The following PAK3 variants were observed in gnomAD, a reference collection of about 807,000 sequenced individuals.
The protein encoded by PAK3 is serine/threonine-protein kinase PAK 3.
A neutral mutation model predicts 41.0 loss-of-function variants in PAK3; 4 were observed. The observed-to-expected ratio is 0.10, with a 90% CI of 0.05 to 0.22. PAK3 has a LOEUF of 0.22. Ranked by LOEUF, PAK3 falls within the 10% of genes least tolerant of loss-of-function variation. The pLI, the probability that PAK3 is intolerant of heterozygous loss-of-function variation, is 1.00. For synonymous variants in PAK3, 146 were observed against 139.6 expected (o/e 1.05, Z -0.32); for missense variants, 205 against 409.9 (o/e 0.50, Z 4.32).
intron 1 of PAK3, among the ~76,000 whole-genome samples, chrX:111,002,037 G>A (rs900280737): frequency 1.8e-5 from 2 of 111,431 alleles, no homozygotes; most frequent in African/African-American, 6.5e-5. Flanking sequence ...TATGTACTAT[G>A]ATGAGGTTTA....
At chrX:110,973,534 A>G (rs2091257602) in intron 1 of PAK3, among the ~76,000 whole-genome samples, 2 of 112,067 alleles carry the variant, frequency 1.8e-5, no homozygotes, top group Non-Finnish European at 3.8e-5. Context: ...TGTCACCACC[A>G]GGCCTGCCTT....
chrX:111,148,142 A>T, intron 7 of PAK3, among the ~76,000 whole-genome samples: 1 of 111,885 alleles, frequency 8.9e-6, no homozygotes, highest in Non-Finnish European at 1.9e-5. Context: ...TGGTAGTCAC[A>T]ATTGTTGTCT....
At chrX:111,162,105 A>G (rs145051886) in intron 8 of PAK3, among the ~76,000 whole-genome samples, 2,191 of 111,379 alleles carry the variant, frequency 0.02, 46 homozygotes, top group African/African-American at 0.067. Context: ...ATTTCTAACA[A>G]GTTCCTTAAT....
At chrX:111,001,720 C>T (rs1028982424) in intron 1 of PAK3, among the ~76,000 whole-genome samples, 5 of 111,997 alleles carry the variant, frequency 4.5e-5, no homozygotes, top group African/African-American at 1.3e-4. Flanking sequence ...AAGCAGCCCC[C>T]TGGCCTGATG....
intron 4 of PAK3, among the ~76,000 whole-genome samples, chrX:111,118,470 A>G (rs1218139501): frequency 9.0e-6 from 1 of 110,707 alleles, no homozygotes; most frequent in East Asian, 2.8e-4. Context: ...ATATATATGT[A>G]TATATATCTC....
intron 1 of PAK3, among the ~76,000 whole-genome samples, chrX:111,071,771 T>C (rs1034307497): frequency 1.8e-5 from 2 of 112,230 alleles, no homozygotes; most frequent in African/African-American, 3.2e-5. Context: ...CAAGTCCACA[T>C]GTTCCAGCCA....
At chrX:111,138,989 A>AACAC (rs368706435) in intron 5 of PAK3, among the ~76,000 whole-genome samples, 12 of 107,103 alleles carry the variant, frequency 1.1e-4, no homozygotes, top group African/African-American at 1.7e-4. Context: ...AACAAACAAC[A>AACAC]ACACACACAC....
intron 1 of PAK3, among the ~76,000 whole-genome samples, chrX:110,967,584 T>A (rs2091107746): frequency 8.9e-6 from 1 of 111,788 alleles, no homozygotes; most frequent in African/African-American, 3.2e-5. Flanking sequence ...ACATGTCTTA[T>A]GAATTTTTAA....
At chrX:111,168,644 G>T (rs927936316) in intron 10 of PAK3, among the ~76,000 whole-genome samples, 12 of 110,850 alleles carry the variant, frequency 1.1e-4, no homozygotes, top group Non-Finnish European at 1.7e-4. Context: ...TTTATTTCCA[G>T]TTTTTTTTCC....
intron 1 of PAK3, among the ~76,000 whole-genome samples, chrX:111,090,910 T>C (rs948993194): frequency 8.9e-6 from 1 of 112,436 alleles, no homozygotes; most frequent in African/African-American, 3.2e-5. Context: ...CCAAATTCAA[T>C]TCACTCTGCA....
intron 1 of PAK3, among the ~76,000 whole-genome samples, chrX:110,969,637 C>G (rs2091165588): frequency 9.1e-6 from 1 of 110,062 alleles, no homozygotes; most frequent in South Asian, 4.0e-4. Context: ...TGTCAAAAAT[C>G]AGGTGGGCAT....
At chrX:110,974,999 A>T (rs1364383025) in intron 1 of PAK3, among the ~76,000 whole-genome samples, 1 of 112,166 alleles carries the variant, frequency 8.9e-6, no homozygotes, top group Non-Finnish European at 1.9e-5. Flanking sequence ...CCCACAGCCA[A>T]TATCATACTG....
chrX:110,973,653 C>T (rs932446982), intron 1 of PAK3, among the ~76,000 whole-genome samples: 2 of 112,084 alleles, frequency 1.8e-5, no homozygotes, highest in African/African-American at 6.5e-5. Flanking sequence ...GAAACTGCAT[C>T]AATTAACAGG....
At chrX:111,142,868 A>G (rs1208011956) in intron 6 of PAK3, among the ~76,000 whole-genome samples, 1 of 111,091 alleles carries the variant, frequency 9.0e-6, no homozygotes, top group Non-Finnish European at 1.9e-5. Context: ...CGCTGGACAG[A>G]CCATAGCTAT....
intron 5 of PAK3, among the ~76,000 whole-genome samples, chrX:111,129,660 C>G (rs182998624): frequency 9.0e-6 from 1 of 111,253 alleles, no homozygotes; most frequent in Non-Finnish European, 1.9e-5. Flanking sequence ...CCCGTAAAAC[C>G]AACAGACAGT....
chrX:111,084,797 T>C (rs952693864), intron 1 of PAK3, among the ~76,000 whole-genome samples: 3 of 112,410 alleles, frequency 2.7e-5, no homozygotes, highest in Non-Finnish European at 5.6e-5. Flanking sequence ...TTTGAAACTA[T>C]CCCTTCGCCA....
In PAK3 at chrX:111,194,021, T is replaced by A. The variant is rs1460039425; in HGVS notation, c.993-280T>A. Among the ~76,000 whole-genome samples, 4 of 111,449 alleles carry A rather than the reference T, an allele frequency of 3.6e-5. No individual in the cohort carries two copies. The South Asian group carries it at 1.1e-3, about 32-fold the overall frequency. On this transcript the variant is annotated intron_variant, in intron 13 of 17. Coordinates refer to ENST00000372007, the MANE Select transcript of PAK3 (RefSeq NM_002578.5). ...ATTTCCTATAATTCATCTTTCTTGA[T>A]AAGCAAGGTTTCAGAGAGACCTGAT...
rs775998688 is a variant in PAK3, at chrX:111,012,459, T to G, written c.-28+67831T>G. 2.7e-5 allele frequency among the ~76,000 whole-genome samples: 3 copies of G among 112,005 alleles called. No individual in the cohort carries two copies. In the South Asian group the frequency reaches 1.1e-3, roughly 42 times the overall value. ...CACTGACACAATCCAATTATTCTCC[T>G]GCCTTTTCTAGCCACGATCACCTTA... On this transcript the variant is annotated intron_variant, in intron 1 of 14. Coordinates refer to the PAK3 transcript ENST00000425146.
At chrX:111,134,038 C>T (rs1020366457) in intron 5 of PAK3, among the ~76,000 whole-genome samples, 1 of 111,647 alleles carries the variant, frequency 9.0e-6, no homozygotes, top group South Asian at 3.8e-4. Context: ...ACAAAACTTC[C>T]AGGAATTTTA....
Sources: gnomAD v4.1 joint callset for allele counts (sites outside exome capture counted in the v4.1 genomes callset) on GRCh38, gnomAD v4.1.1 for gene constraint, MANE v1.5 for transcripts, NCBI Gene and HGNC (gene_info 2026-07-23, HGNC 2026-07-21) for gene names.